The following GRID2 variants were observed in gnomAD, a reference collection of about 807,000 sequenced individuals.
The protein encoded by GRID2 is glutamate ionotropic receptor delta type subunit 2.
GRID2 carries 33 observed loss-of-function variants against 114.8 expected under a neutral mutation model. The ratio of observed to expected loss-of-function variants is 0.29; its 90% CI spans 0.22 to 0.38. The LOEUF is 0.38. GRID2 is among the 10% of genes least tolerant of loss of function. GRID2 has a pLI of 1.00. For synonymous variants in GRID2, 505 were observed against 449.9 expected (o/e 1.12, Z -1.55); for missense variants, 1,184 against 1,257.7 (o/e 0.94, Z 0.89).
chr4:93,376,221 A>G (rs1335542629), intron 8 of GRID2, among the ~76,000 whole-genome samples: 1 of 143,216 alleles, frequency 7.0e-6, no homozygotes, highest in Non-Finnish European at 1.5e-5. Context: ...CATTAAATGA[A>G]TGGAAGTCAT....
intron 14 of GRID2, among the ~76,000 whole-genome samples, chr4:93,687,500 G>A (rs1486436670): frequency 3.3e-5 from 5 of 151,968 alleles, no homozygotes; most frequent in Admixed American, 6.6e-5. Context: ...TCAAAAGGCA[G>A]TACAAACAAA....
intron 7 of GRID2, among the ~76,000 whole-genome samples, chr4:93,230,237 G>A (rs1017587971): frequency 6.6e-6 from 1 of 151,866 alleles, no homozygotes; most frequent in Admixed American, 6.6e-5. Flanking sequence ...ATTAAAGGAA[G>A]ATATTGATGT....
chr4:92,634,473 T>C (rs1560501608), intron 2 of GRID2, among the ~76,000 whole-genome samples: 1 of 152,126 alleles, frequency 6.6e-6, no homozygotes, highest in Non-Finnish European at 1.5e-5. Context: ...CTGTGTTTTA[T>C]TCACGTACAA....
chr4:93,683,279 T>A (rs972987872), intron 14 of GRID2, among the ~76,000 whole-genome samples: 19 of 152,048 alleles, frequency 1.2e-4, no homozygotes, highest in African/African-American at 4.3e-4. Context: ...TCTGGAAGAA[T>A]AATGCACTGA....
chr4:92,357,222 A>G (rs1211263675), intron 1 of GRID2, among the ~76,000 whole-genome samples: 2 of 151,868 alleles, frequency 1.3e-5, no homozygotes, highest in Non-Finnish European at 1.5e-5. Flanking sequence ...AAGAAGGTCA[A>G]TTTGCAGTTA....
At chr4:93,001,754 C>G (rs1272775371) in intron 2 of GRID2, among the ~76,000 whole-genome samples, 1 of 151,652 alleles carries the variant, frequency 6.6e-6, no homozygotes, top group African/African-American at 2.4e-5. Flanking sequence ...TAAATTCATT[C>G]AACATTTCAA....
intron 14 of GRID2, among the ~76,000 whole-genome samples, chr4:93,675,609 C>A (rs947362976): frequency 7.2e-5 from 11 of 152,068 alleles, no homozygotes; most frequent in Admixed American, 1.3e-4. Context: ...GGTCACACAC[C>A]AAATGAGTCA....
intron 13 of GRID2, among the ~76,000 whole-genome samples, chr4:93,575,692 T>G (rs1311238380): frequency 6.6e-6 from 1 of 152,174 alleles, no homozygotes; most frequent in African/African-American, 2.4e-5. Flanking sequence ...TAGTGTTATA[T>G]TTTACTGATA....
At chr4:93,062,454 G>T (rs1478866444) in intron 2 of GRID2, among the ~76,000 whole-genome samples, 1 of 152,122 alleles carries the variant, frequency 6.6e-6, no homozygotes, top group Non-Finnish European at 1.5e-5. Flanking sequence ...TTTCTGGCTA[G>T]ATGGTAAAGA....
chr4:92,913,803 G>C (rs1748571237), intron 2 of GRID2, among the ~76,000 whole-genome samples: 1 of 151,724 alleles, frequency 6.6e-6, no homozygotes, highest in African/African-American at 2.4e-5. Flanking sequence ...CAGTATACCA[G>C]AGACAATAAA....
At chr4:92,882,172 A>G (rs1162943154) in intron 2 of GRID2, among the ~76,000 whole-genome samples, 2 of 152,106 alleles carry the variant, frequency 1.3e-5, no homozygotes, top group Non-Finnish European at 2.9e-5. Context: ...TTTTGTCTTT[A>G]GTTCTACTCT....
intron 13 of GRID2, among the ~76,000 whole-genome samples, chr4:93,618,740 G>T (rs929134022): frequency 2.9e-4 from 44 of 152,196 alleles, no homozygotes; most frequent in African/African-American, 1.0e-3. Context: ...CTTCCCTGCA[G>T]GTTGCACTTG....
chr4:93,771,492 G>C (rs1734104444), intron 15 of GRID2, among the ~76,000 whole-genome samples: 1 of 152,140 alleles, frequency 6.6e-6, no homozygotes. Context: ...CCCTCAATTA[G>C]AAATTATTTT....
intron 1 of GRID2, among the ~76,000 whole-genome samples, chr4:92,380,851 A>G (rs375861844): frequency 2.6e-5 from 4 of 152,174 alleles, no homozygotes; most frequent in African/African-American, 9.6e-5. Context: ...ATATAATACT[A>G]TATCTCCTCT....
At chr4:93,231,538 T>C (rs964840588) in intron 7 of GRID2, among the ~76,000 whole-genome samples, 1 of 152,114 alleles carries the variant, frequency 6.6e-6, no homozygotes, top group African/African-American at 2.4e-5. Flanking sequence ...TGTAATGTGC[T>C]GTGGTACATA....
intron 2 of GRID2, among the ~76,000 whole-genome samples, chr4:92,956,923 A>G (rs1752446121): frequency 6.6e-6 from 1 of 152,134 alleles, no homozygotes; most frequent in South Asian, 2.1e-4. Flanking sequence ...GATGTGGAGC[A>G]TATTTTATGT....
At chr4:93,043,171 T>C (rs540668396) in intron 2 of GRID2, among the ~76,000 whole-genome samples, 1 of 152,122 alleles carries the variant, frequency 6.6e-6, no homozygotes, top group South Asian at 2.1e-4. Context: ...TGACTGAAAA[T>C]GAATTATGGA....
At chr4:93,726,204 G>C (rs751423195) in intron 14 of GRID2, among the ~76,000 whole-genome samples, 1 of 152,134 alleles carries the variant, frequency 6.6e-6, no homozygotes, top group Non-Finnish European at 1.5e-5. Flanking sequence ...TCTACATATG[G>C]CTAGCCAGTT....
At chr4:92,903,239 GA>G (rs962654312) in intron 2 of GRID2, among the ~76,000 whole-genome samples, 45 of 144,482 alleles carry the variant, frequency 3.1e-4, no homozygotes, top group Middle Eastern at 3.5e-3. Context: ...ATCTTGAAGG[GA>G]AAAAAAAAAC....
Sources: allele counts gnomAD v4.1 joint callset (sites outside exome capture counted in the v4.1 genomes callset), GRCh38; gene constraint gnomAD v4.1.1; transcripts MANE v1.5; gene names NCBI Gene and HGNC (gene_info 2026-07-23, HGNC 2026-07-21).